The following VPS13D variants were observed in gnomAD, a reference collection of about 807,000 sequenced individuals.
VPS13D encodes the protein intermembrane lipid transfer protein VPS13D.
Under a neutral mutation model 461.9 loss-of-function variants are expected in VPS13D, and 187 were observed. The ratio of observed to expected loss-of-function variants is 0.40; its 90% CI spans 0.36 to 0.46. The LOEUF (loss-of-function observed/expected upper bound fraction) is 0.46, where lower values mean the gene tolerates loss of function less well. Ranked by LOEUF, VPS13D falls within the 20% of genes least tolerant of loss-of-function variation. The pLI is 0.60. For synonymous variants in VPS13D, 1,951 were observed against 1,986.3 expected (o/e 0.98, Z 0.47); for missense variants, 4,711 against 5,364.9 (o/e 0.88, Z 3.81).
intron 43 of VPS13D, among the ~76,000 whole-genome samples, chr1:12,346,333 T>A (rs750330706): frequency 1.2e-4 from 19 of 152,234 alleles, no homozygotes; most frequent in Admixed American, 3.3e-4. Flanking sequence ...CCTAAGTTTA[T>A]GTCTAGTAAT....
intron 37 of VPS13D, 50 bp downstream of exon 37, chr1:12,329,968 G>A (rs773667625): frequency 1.5e-5 from 19 of 1,287,544 alleles, no homozygotes; most frequent in Middle Eastern, 2.1e-4. Flanking sequence ...AAATTTAAAT[G>A]TTTGCCTGGA....
intron 2 of VPS13D, among the ~76,000 whole-genome samples, chr1:12,238,234 CA>C (rs1226796694): frequency 5.9e-5 from 8 of 135,178 alleles, no homozygotes; most frequent in East Asian, 4.4e-4. Context: ...AAATCCCCCC[CA>C]AAAAATATAT....
intron 65 of VPS13D, among the ~76,000 whole-genome samples, chr1:12,432,071 T>C (rs1644998669): frequency 1.3e-5 from 2 of 152,156 alleles, no homozygotes; most frequent in South Asian, 4.1e-4. Context: ...GTTAGAATTG[T>C]CATCGGGTTC....
At chr1:12,501,572 A>G (rs547137620) in intron 68 of VPS13D, among the ~76,000 whole-genome samples, 1 of 152,342 alleles carries the variant, frequency 6.6e-6, no homozygotes, top group African/African-American at 2.4e-5. Context: ...TTGCCTGTGC[A>G]CTGGCAAATT....
chr1:12,447,217 G>A (rs1384279536), intron 65 of VPS13D, among the ~76,000 whole-genome samples: 2 of 152,140 alleles, frequency 1.3e-5, no homozygotes, highest in Non-Finnish European at 2.9e-5. Flanking sequence ...AATTTTCACT[G>A]GCATTTAGGA....
chr1:12,442,869 G>A (rs1374146960), intron 65 of VPS13D, among the ~76,000 whole-genome samples: 3 of 152,160 alleles, frequency 2.0e-5, no homozygotes, highest in East Asian at 1.9e-4. Flanking sequence ...GATTACAGGC[G>A]TGAGCCACCA....
At chr1:12,418,876 T>A (rs1644828007) in intron 65 of VPS13D, among the ~76,000 whole-genome samples, 1 of 152,150 alleles carries the variant, frequency 6.6e-6, no homozygotes, top group Non-Finnish European at 1.5e-5. Flanking sequence ...ACCTCCATAG[T>A]TCACTGGGTT....
At position 12,267,887 on chromosome 1, in the gene VPS13D, A is replaced by G; in HGVS notation, c.1768A>G (p.Thr590Ala). 6.2e-7 allele frequency: 1 copy of G among 1,614,128 alleles called. No individual in the cohort carries two copies. The highest frequency in any genetic ancestry group is 8.5e-7 in the Non-Finnish European group (1 of 1,180,012). Residue 590 changes from threonine to alanine, a missense_variant, in exon 15 of 70, where the codon ACT becomes GCT. By Grantham distance (58) the Thr-to-Ala change is moderately conservative. Coordinates refer to ENST00000620676, the MANE Select transcript of VPS13D (RefSeq NM_015378.4). ...AGTCTCACAATCTTTTGGTCTACAA[A>G]CTACATCTGCAGACAGAAGTGATCA... The part of the protein sequence containing the change: ...GRVSQSFGLQ[T>A]TSADRSDHYP...
intron 60 of VPS13D, among the ~76,000 whole-genome samples, chr1:12,395,735 C>T (rs747297249): frequency 1.1e-4 from 17 of 152,008 alleles, no homozygotes; most frequent in Non-Finnish European, 2.1e-4. Context: ...CTCTCATGAG[C>T]GGTGAATCAG....
chr1:12,286,319 C>T lies in VPS13D; in HGVS notation c.5635-1904C>T, dbSNP rs185386966. ...TCTCAAACTCCTGGCCTCAAGTGAT[C>T]GGCCTGCCTTGGCCTCCCAAAGTGC... is the stretch of plus-strand genomic sequence containing the variant. On this transcript the variant is annotated intron_variant, in intron 21 of 69. Transcript: ENST00000620676. 2.3e-3 allele frequency among the ~76,000 whole-genome samples: 356 copies of T among 152,322 alleles called. 1 individual carries two copies. Among genetic ancestry groups the T allele is most frequent in the South Asian group, 6.6e-3 (32 of 4,830 alleles).
intron 21 of VPS13D, among the ~76,000 whole-genome samples, chr1:12,287,799 A>G (rs1264980987): frequency 3.3e-5 from 5 of 152,198 alleles, no homozygotes; most frequent in Non-Finnish European, 7.3e-5. Context: ...CTTCTATTAA[A>G]TATTTGTTCA....
intron 37 of VPS13D, among the ~76,000 whole-genome samples, chr1:12,332,800 G>A (rs946313392): frequency 1.3e-5 from 2 of 152,232 alleles, no homozygotes; most frequent in African/African-American, 2.4e-5. Context: ...GCCTTCATAT[G>A]TACCTATTTA....
chr1:12,491,562 T>A (rs1020401936), intron 67 of VPS13D, among the ~76,000 whole-genome samples: 10 of 152,164 alleles, frequency 6.6e-5, no homozygotes, highest in Non-Finnish European at 1.3e-4. Flanking sequence ...ATTTTTTTTT[T>A]AAAAGACATG....
intron 63 of VPS13D, among the ~76,000 whole-genome samples, chr1:12,411,838 A>G (rs1644734196): frequency 1.3e-5 from 2 of 152,134 alleles, no homozygotes; most frequent in African/African-American, 4.8e-5. Context: ...ACCCCTTTCC[A>G]CATGGTCTCC....
chr1:12,309,761 C>CAAAA (rs1398161248), intron 27 of VPS13D, among the ~76,000 whole-genome samples: 5 of 73,004 alleles, frequency 6.8e-5, no homozygotes, highest in Non-Finnish European at 1.3e-4. Context: ...GACTCAGTCT[C>CAAAA]AAAAAAAAAA....
At chr1:12,487,777 C>G (rs1004041020) in intron 67 of VPS13D, among the ~76,000 whole-genome samples, 9 of 152,146 alleles carry the variant, frequency 5.9e-5, no homozygotes, top group Non-Finnish European at 1.3e-4. Context: ...CCACTTCAGT[C>G]AAGGCAGCTT....
chr1:12,294,642 G>A (rs545616357), intron 24 of VPS13D, among the ~76,000 whole-genome samples: 2 of 151,922 alleles, frequency 1.3e-5, no homozygotes, highest in Non-Finnish European at 2.9e-5. Context: ...ACGAAACCCC[G>A]TCTTTACTAA....
At chr1:12,304,105 C>T (rs1642496920) in intron 25 of VPS13D, among the ~76,000 whole-genome samples, 2 of 152,184 alleles carry the variant, frequency 1.3e-5, no homozygotes. Context: ...GATGTCTTTT[C>T]TTAAAACAAT....
intron 13 of VPS13D, among the ~76,000 whole-genome samples, chr1:12,262,678 A>G (rs968440771): frequency 6.6e-6 from 1 of 151,706 alleles, no homozygotes; most frequent in African/African-American, 2.4e-5. Context: ...GGTATATGAA[A>G]TGCATTTTTG....
Sources: gnomAD v4.1 joint callset for allele counts (sites outside exome capture counted in the v4.1 genomes callset) on GRCh38, gnomAD v4.1.1 for gene constraint, MANE v1.5 for transcripts, NCBI Gene and HGNC (gene_info 2026-07-23, HGNC 2026-07-21) for gene names.